ARHGAP29: variants seen among roughly 807,000 people sequenced by gnomAD.
The protein encoded by ARHGAP29 is rho GTPase-activating protein 29.
Under a neutral mutation model 122.6 loss-of-function variants are expected in ARHGAP29, and 43 were observed. That is an observed-to-expected ratio of 0.35 (90% CI 0.27 to 0.45). ARHGAP29 has a LOEUF of 0.45. Among genes scored for constraint, ARHGAP29 ranks in the 20% least tolerant of loss-of-function variants. The probability of loss-of-function intolerance (pLI) is 1.00; values close to 1 mark genes in which losing one functional copy is unlikely to be tolerated. For synonymous variants in ARHGAP29, 506 were observed against 497.1 expected (o/e 1.02, Z -0.24); for missense variants, 1,303 against 1,477.2 (o/e 0.88, Z 1.93).
the ARHGAP29 span, among the ~76,000 whole-genome samples, chr1:94,291,729 A>G: frequency 2.0e-5 from 3 of 152,210 alleles, no homozygotes; most frequent in Admixed American, 6.5e-5. Flanking sequence ...TTGGCTGGAT[A>G]TGAAATTCTG....
At chr1:94,221,674 T>G (rs1652303603) in intron 2 of ARHGAP29, among the ~76,000 whole-genome samples, 1 of 150,910 alleles carries the variant, frequency 6.6e-6, no homozygotes, top group African/African-American at 2.4e-5. Flanking sequence ...CACATATGTA[T>G]ATATGTATAT....
chr1:94,222,918 T>C (rs565737303), intron 2 of ARHGAP29, among the ~76,000 whole-genome samples: 5 of 151,098 alleles, frequency 3.3e-5, no homozygotes, highest in Admixed American at 2.7e-4. Context: ...AGGAATTTTA[T>C]GTGCTGTTGA....
chr1:94,313,502 G>A, the ARHGAP29 span, among the ~76,000 whole-genome samples: 2 of 152,288 alleles, frequency 1.3e-5, no homozygotes, highest in Non-Finnish European at 2.9e-5. Context: ...GAGAGGATGT[G>A]GAGAAATAGG....
intron 1 of ARHGAP29, among the ~76,000 whole-genome samples, chr1:94,256,751 G>C (rs1282476853): frequency 3.3e-5 from 5 of 151,034 alleles, no homozygotes; most frequent in Non-Finnish European, 7.4e-5. Context: ...GTAGAGACGG[G>C]GTTTCACCAT....
At chr1:94,271,274 AGAG>A (rs10563849) in intron 1 of ARHGAP29, among the ~76,000 whole-genome samples, 3,971 of 152,312 alleles carry the variant, frequency 0.026, 179 homozygotes, top group African/African-American at 0.091. Flanking sequence ...AGAGAATAAA[AGAG>A]GATAAGCAAG....
intron 1 of ARHGAP29, among the ~76,000 whole-genome samples, chr1:94,247,527 C>T (rs552540290): frequency 4.6e-5 from 7 of 151,450 alleles, no homozygotes; most frequent in Non-Finnish European, 1.0e-4. Context: ...GAGCCACCAC[C>T]GCCGCGGCCG....
intron 1 of ARHGAP29, among the ~76,000 whole-genome samples, chr1:94,234,034 C>T (rs1315257336): frequency 2.0e-5 from 3 of 152,190 alleles, no homozygotes; most frequent in Non-Finnish European, 2.9e-5. Flanking sequence ...AAGAAACGTT[C>T]CTGGACCATC....
chr1:94,299,652 T>A, the ARHGAP29 span, among the ~76,000 whole-genome samples: 1 of 152,166 alleles, frequency 6.6e-6, no homozygotes, highest in Non-Finnish European at 1.5e-5. Flanking sequence ...GGCTAGGCTG[T>A]TGTATTCCCA....
chr1:94,273,892 C>A (rs1257723433), intron 1 of ARHGAP29, among the ~76,000 whole-genome samples: 1 of 148,290 alleles, frequency 6.7e-6, no homozygotes, highest in African/African-American at 2.5e-5. Context: ...AGCAGATGAG[C>A]AGTAGCATTA....
intron 8 of ARHGAP29, among the ~76,000 whole-genome samples, chr1:94,203,636 C>T (rs572757317): frequency 2.0e-5 from 3 of 151,928 alleles, no homozygotes; most frequent in African/African-American, 7.2e-5. Flanking sequence ...CAGGAGGCTG[C>T]GGTGGGAGGA....
At chr1:94,295,522 T>C in the ARHGAP29 span, among the ~76,000 whole-genome samples, 1 of 152,058 alleles carries the variant, frequency 6.6e-6, no homozygotes, top group Non-Finnish European at 1.5e-5. Context: ...CGATTCTAAT[T>C]GATGACAAGA....
chr1:94,304,448 TC>T, the ARHGAP29 span, among the ~76,000 whole-genome samples: 7 of 152,306 alleles, frequency 4.6e-5, no homozygotes, highest in African/African-American at 1.7e-4. Context: ...CCTCTACCCA[TC>T]TTTTGATGCT....
chr1:94,173,872 C>T lies in ARHGAP29; in HGVS notation c.3783G>A (p.Val1261=). The change falls in exon 23 of 23, where the codon GTG becomes GTA. Residue 1261 remains valine, a synonymous_variant. Coordinates refer to ENST00000260526, the MANE Select transcript of ARHGAP29 (RefSeq NM_004815.4). The part of the protein sequence containing the change: ...EDLEGEIPQF[V] The stretch of plus-strand genomic sequence containing the variant: ...AAAACCCTGAAATTTGACATCCCTA[C>T]ACAAATTGTGGAATTTCACCTTCGA... 6.3e-7 allele frequency: 1 copy of T among 1,597,266 alleles called. No individual in the cohort carries two copies. Among genetic ancestry groups the T allele is most frequent in the Non-Finnish European group, 8.6e-7 (1 of 1,167,910 alleles).
At chr1:94,212,107 C>T (rs1651659723) in intron 3 of ARHGAP29, among the ~76,000 whole-genome samples, 1 of 152,098 alleles carries the variant, frequency 6.6e-6, no homozygotes. Flanking sequence ...GGCAAAACCC[C>T]GTCTCTACTA....
the ARHGAP29 span, among the ~76,000 whole-genome samples, chr1:94,300,856 A>G: frequency 1.3e-5 from 2 of 152,202 alleles, no homozygotes; most frequent in Non-Finnish European, 2.9e-5. Flanking sequence ...TTAATGAATA[A>G]ATTATATTTG....
At chr1:94,221,767 T>C (rs549059131) in intron 2 of ARHGAP29, among the ~76,000 whole-genome samples, 247 of 151,196 alleles carry the variant, frequency 1.6e-3, no homozygotes, top group South Asian at 9.2e-3. Context: ...ATATATATAT[T>C]TCTTTGCTTT....
At chr1:94,223,180 G>A (rs1425710183) in intron 2 of ARHGAP29, among the ~76,000 whole-genome samples, 7 of 152,122 alleles carry the variant, frequency 4.6e-5, no homozygotes, top group Non-Finnish European at 7.4e-5. Flanking sequence ...TCCTGACCTC[G>A]TGATCCATCC....
intron 14 of ARHGAP29, 44 bp from the exon 15 acceptor site, chr1:94,188,985 T>C: frequency 6.4e-7 from 1 of 1,560,968 alleles, no homozygotes; most frequent in East Asian, 2.2e-5. Flanking sequence ...ACAGGTAGAT[T>C]TCATAAGGTA....
At chr1:94,174,926 T>C (rs964550796) in intron 22 of ARHGAP29, among the ~76,000 whole-genome samples, 177 bp from the exon 23 acceptor site, 8 of 152,216 alleles carry the variant, frequency 5.3e-5, no homozygotes, top group African/African-American at 1.9e-4. Context: ...AAGGTGTATA[T>C]TGAATTTAAA....
Sources: gnomAD v4.1 joint callset for allele counts (sites outside exome capture counted in the v4.1 genomes callset) on GRCh38, gnomAD v4.1.1 for gene constraint, MANE v1.5 for transcripts, NCBI Gene and HGNC (gene_info 2026-07-23, HGNC 2026-07-21) for gene names.